The following TMEM178B variants were observed in gnomAD, a reference collection of about 807,000 sequenced individuals.
The protein encoded by TMEM178B is transmembrane protein 178B.
Under a neutral mutation model 31.0 loss-of-function variants are expected in TMEM178B, and 5 were observed. The ratio of observed to expected loss-of-function variants is 0.16; its 90% CI spans 0.08 to 0.34. The LOEUF is 0.34. Ranked by LOEUF, TMEM178B falls within the 10% of genes least tolerant of loss-of-function variation. The pLI is 1.00. For synonymous variants in TMEM178B, 164 were observed against 164.0 expected, an observed-to-expected ratio of 1.00 and a Z score of 0.00; for missense variants, 275 against 400.3, an observed-to-expected ratio of 0.69 and a Z score of 2.67.
intron 2 of TMEM178B, among the ~76,000 whole-genome samples, chr7:141,349,272 G>T (rs1323041551): frequency 6.6e-6 from 1 of 152,086 alleles, no homozygotes; most frequent in Non-Finnish European, 1.5e-5. Flanking sequence ...GGAATGTTCA[G>T]ATTGTCAAAA....
intron 2 of TMEM178B, among the ~76,000 whole-genome samples, chr7:141,251,120 A>G (rs999825185): frequency 3.9e-5 from 6 of 152,042 alleles, no homozygotes; most frequent in African/African-American, 1.2e-4. Flanking sequence ...GGCCCTGAGG[A>G]TACAGTGATG....
rs190760755 is a variant in TMEM178B at position 141,199,789 on chromosome 7, C to T, written c.383-12802C>T. The stretch of plus-strand genomic sequence containing the variant: ...TTTTTTGGCAGGGCGCAGTGGCTCA[C>T]GCCTGTAATCCCAGCACTTTGGGAG... On this transcript the variant is annotated intron_variant, in intron 1 of 3. Coordinates refer to ENST00000565468, the MANE Select transcript of TMEM178B (RefSeq NM_001195278.2). Among the ~76,000 whole-genome samples the T allele has an allele frequency of 2.6e-4, 39 of 152,264 alleles. No individual in the cohort carries two copies. The East Asian group carries it at 3.1e-3, about 12-fold the overall frequency.
At chr7:141,243,128 A>C (rs985201585) in intron 2 of TMEM178B, among the ~76,000 whole-genome samples, 6 of 152,136 alleles carry the variant, frequency 3.9e-5, no homozygotes, top group Non-Finnish European at 8.8e-5. Flanking sequence ...AACAAACCCC[A>C]AACAACCAAA....
At chr7:141,158,503 G>A (rs1275934253) in intron 1 of TMEM178B, among the ~76,000 whole-genome samples, 1 of 152,146 alleles carries the variant, frequency 6.6e-6, no homozygotes, top group Non-Finnish European at 1.5e-5. Context: ...AACACAATAG[G>A]TGCTTAGTAA....
intron 2 of TMEM178B, among the ~76,000 whole-genome samples, chr7:141,282,352 A>G (rs1194687254): frequency 6.6e-6 from 1 of 152,158 alleles, no homozygotes; most frequent in Non-Finnish European, 1.5e-5. Context: ...TGGATTGGAG[A>G]AACAGACTGC....
chr7:141,253,527 G>C (rs1176508091), intron 2 of TMEM178B, among the ~76,000 whole-genome samples: 1 of 143,000 alleles, frequency 7.0e-6, no homozygotes. Flanking sequence ...TTTCATTTTA[G>C]ATACACATTT....
rs577240012 is a variant in TMEM178B, at chr7:141,264,578, A to G, written c.496+51874A>G. 2.0e-5 allele frequency among the ~76,000 whole-genome samples: 3 copies of G among 152,344 alleles called. No homozygotes were observed. The South Asian group carries it at 6.2e-4, about 32-fold the overall frequency. Reference sequence around the variant, plus strand: ...GTGCTGAAAGCTTATGTATGAATAGAGTGGGAGACATGAAACCCAGTGGAT... The same window carrying G: ...GTGCTGAAAGCTTATGTATGAATAGGGTGGGAGACATGAAACCCAGTGGAT... On this transcript the variant is annotated intron_variant, in intron 2 of 3. Transcript: ENST00000565468.
chr7:141,209,531 A>G (rs1797017358), intron 1 of TMEM178B, among the ~76,000 whole-genome samples: 1 of 152,230 alleles, frequency 6.6e-6, no homozygotes, highest in South Asian at 2.1e-4. Flanking sequence ...TCCTCAAAGC[A>G]CATGTTATTG....
intron 1 of TMEM178B, among the ~76,000 whole-genome samples, chr7:141,081,184 C>G (rs1794676724): frequency 6.6e-6 from 1 of 152,090 alleles, no homozygotes. Context: ...TTCCAGTGGG[C>G]TAAAATGTGG....
intron 1 of TMEM178B, among the ~76,000 whole-genome samples, chr7:141,183,179 A>G (rs2129184120): frequency 6.6e-6 from 1 of 152,264 alleles, no homozygotes. Context: ...CAGAGTAAAC[A>G]TTTTGTCCTT....
chr7:141,319,546 T>A (rs1303953974), intron 2 of TMEM178B, among the ~76,000 whole-genome samples: 1 of 152,106 alleles, frequency 6.6e-6, no homozygotes, highest in Non-Finnish European at 1.5e-5. Context: ...TTTGTATTCT[T>A]TACTTTCTTT....
chr7:141,193,976 C>G (rs556258184), intron 1 of TMEM178B, among the ~76,000 whole-genome samples: 1 of 152,274 alleles, frequency 6.6e-6, no homozygotes, highest in South Asian at 2.1e-4. Flanking sequence ...AAAGCAGAAC[C>G]CCCTGATAAA....
At chr7:141,265,862 G>A (rs960754314) in intron 2 of TMEM178B, among the ~76,000 whole-genome samples, 1 of 152,184 alleles carries the variant, frequency 6.6e-6, no homozygotes, top group Non-Finnish European at 1.5e-5. Context: ...ATAGAGAACC[G>A]AGATCTTGGT....
intron 2 of TMEM178B, among the ~76,000 whole-genome samples, chr7:141,418,050 A>G (rs1409426838): frequency 1.2e-4 from 19 of 152,170 alleles, no homozygotes. Flanking sequence ...GGTCTGCTAT[A>G]TTGACTTGGA....
chr7:141,125,124 A>G (rs1026721021), intron 1 of TMEM178B, among the ~76,000 whole-genome samples: 2 of 152,238 alleles, frequency 1.3e-5, no homozygotes, highest in African/African-American at 4.8e-5. Flanking sequence ...TGTTTGAATT[A>G]GCAGACAATC....
chr7:141,447,270 T>A (rs1181762), intron 3 of TMEM178B, among the ~76,000 whole-genome samples: 120,902 of 151,860 alleles, frequency 0.8, 48,409 homozygotes, highest in African/African-American at 0.87. Flanking sequence ...TAGAGAGGGC[T>A]TGGAGGGCCT....
chr7:141,317,627 G>A (rs1479147953), intron 2 of TMEM178B, among the ~76,000 whole-genome samples: 1 of 152,168 alleles, frequency 6.6e-6, no homozygotes, highest in Non-Finnish European at 1.5e-5. Flanking sequence ...AGGAGTGATA[G>A]GATGCCAAGA....
chr7:141,336,264 T>A (rs1419355080), intron 2 of TMEM178B, among the ~76,000 whole-genome samples: 1 of 152,148 alleles, frequency 6.6e-6, no homozygotes, highest in Non-Finnish European at 1.5e-5. Flanking sequence ...TAAACTGCAT[T>A]CTGGTCCTAA....
At chr7:141,438,728 T>TAAAAAAAAAAAAAAAAAAA (rs1801599604) in intron 3 of TMEM178B, among the ~76,000 whole-genome samples, 1 of 45,204 alleles carries the variant, frequency 2.2e-5, no homozygotes, top group African/African-American at 6.7e-5. Flanking sequence ...AAAAAAAAAT[T>TAAAAAAAAAAAAAAAAAAA]AGCCAGGCAT....
Sources: allele counts gnomAD v4.1 joint callset (sites outside exome capture counted in the v4.1 genomes callset), GRCh38; gene constraint gnomAD v4.1.1; transcripts MANE v1.5; gene names NCBI Gene and HGNC (gene_info 2026-07-23, HGNC 2026-07-21).